Variants in ZMYM4 observed in about 807,000 individuals in gnomAD.
ZMYM4 encodes zinc finger MYM-type containing 4, also known as zinc finger MYM-type protein 4.
ZMYM4 carries 31 observed loss-of-function variants against 183.2 expected under a neutral mutation model. The ratio of observed to expected loss-of-function variants is 0.17; its 90% CI spans 0.13 to 0.23. The LOEUF (loss-of-function observed/expected upper bound fraction) is 0.23. ZMYM4 is among the 10% of genes least tolerant of loss of function. The pLI is 1.00. For missense variants in ZMYM4, 1,273 were observed against 1,840.3 expected, an observed-to-expected ratio of 0.69 and a Z score of 5.64; for synonymous variants, 592 against 631.2, an observed-to-expected ratio of 0.94 and a Z score of 0.93.
In ZMYM4 at chr1:35,370,649, T is replaced by C. The variant is rs138479417; in HGVS notation, c.1181+22T>C. ...CAAAGTATAGCAGAATTCTAAATTA[T>C]CTTTTTTGTTTCTTTCCTTTCTCTT... On this transcript the variant is annotated intron_variant, in intron 7 of 29. Coordinates refer to ENST00000314607, the MANE Select transcript of ZMYM4 (RefSeq NM_005095.3). 3.2e-4 allele frequency: 495 copies of C among 1,560,262 alleles called. 3 individuals carry two copies. The African/African-American group carries it at 5.9e-3, about 19-fold the overall frequency.
At position 35,302,366 on chromosome 1, in the gene ZMYM4, T is replaced by A. The variant is rs1419267056; in HGVS notation, c.40-22994T>A. On this transcript the variant is annotated intron_variant, in intron 1 of 29. Transcript: ENST00000314607. ...GGACTACAGGCCTGTGCCAGCGGAC[T>A]GGCTAATTTGACTTTTTTTTTTTTT... Among the ~76,000 whole-genome samples the A allele has an allele frequency of 2.0e-5, 3 of 148,408 alleles. No homozygotes were observed. The East Asian group carries it at 5.9e-4, about 29-fold the overall frequency.
At chr1:35,340,609 A>G (rs1643165170) in intron 2 of ZMYM4, among the ~76,000 whole-genome samples, 1 of 151,936 alleles carries the variant, frequency 6.6e-6, no homozygotes. Flanking sequence ...CCTCACATGC[A>G]TAGTTCACAA....
chr1:35,332,401 ATG>A (rs935165621), intron 2 of ZMYM4, among the ~76,000 whole-genome samples: 8 of 144,590 alleles, frequency 5.5e-5, no homozygotes, highest in African/African-American at 1.8e-4. Flanking sequence ...TATACTGGGG[ATG>A]TTTTTTTTTT....
At chr1:35,409,565 A>G (rs1300818687) in intron 26 of ZMYM4, among the ~76,000 whole-genome samples, 1 of 151,922 alleles carries the variant, frequency 6.6e-6, no homozygotes, top group African/African-American at 2.4e-5. Flanking sequence ...GACCATGTGT[A>G]TACCTTCTTT....
intron 1 of ZMYM4, among the ~76,000 whole-genome samples, chr1:35,296,161 TC>T (rs1463932066): frequency 6.6e-6 from 1 of 152,174 alleles, no homozygotes; most frequent in African/African-American, 2.4e-5. Flanking sequence ...AGATGAGTGT[TC>T]CCCTTACTAA....
chr1:35,348,262 G>A (rs1197335448), intron 2 of ZMYM4, among the ~76,000 whole-genome samples: 1 of 152,114 alleles, frequency 6.6e-6, no homozygotes, highest in African/African-American at 2.4e-5. Context: ...CTTTTGGTAA[G>A]CTATAAAATC....
chr1:35,361,353 C>T, intron 4 of ZMYM4, 98 bp downstream of exon 4: 1 of 1,217,928 alleles, frequency 8.2e-7, no homozygotes, highest in African/African-American at 1.6e-5. Context: ...TTAGGTAGAG[C>T]ACTGATTTTT....
chr1:35,308,867 CAAAA>C (rs1034692691), intron 1 of ZMYM4: 74 of 648,232 alleles, frequency 1.1e-4, no homozygotes, highest in African/African-American at 6.7e-4. Flanking sequence ...TCTCAGAAAA[CAAAA>C]GAAAGTGGAT....
intron 23 of ZMYM4, among the ~76,000 whole-genome samples, chr1:35,403,038 C>T (rs1032565586): frequency 3.3e-5 from 5 of 152,092 alleles, no homozygotes; most frequent in Non-Finnish European, 7.3e-5. Context: ...GAAGAAGTTC[C>T]CCTTCTCCTT....
intron 5 of ZMYM4, among the ~76,000 whole-genome samples, chr1:35,367,134 C>G (rs191137949): frequency 6.6e-6 from 1 of 151,928 alleles, no homozygotes; most frequent in East Asian, 1.9e-4. Flanking sequence ...CATACACACA[C>G]TTATTACACA....
chr1:35,303,209 A>G (rs1267063017), intron 1 of ZMYM4, among the ~76,000 whole-genome samples: 1 of 151,334 alleles, frequency 6.6e-6, no homozygotes, highest in Admixed American at 6.6e-5. Flanking sequence ...GGATCAGTTG[A>G]ACTTGGGAGG....
intron 5 of ZMYM4, among the ~76,000 whole-genome samples, chr1:35,366,738 G>T (rs1644088755): frequency 6.6e-6 from 1 of 152,200 alleles, no homozygotes; most frequent in Admixed American, 6.5e-5. Flanking sequence ...AAGGCCAGGT[G>T]CGGTGGCTCA....
chr1:35,316,661 T>C (rs1310762034), intron 1 of ZMYM4, among the ~76,000 whole-genome samples: 3 of 152,082 alleles, frequency 2.0e-5, no homozygotes, highest in Admixed American at 6.6e-5. Context: ...TTTATGAAAA[T>C]GGATACTCAA....
Position 35,416,372 on chromosome 1 carries a change from T to A in ZMYM4, c.4309+658T>A, listed in dbSNP as rs368617788. 4.5e-4 allele frequency among the ~76,000 whole-genome samples: 69 copies of A among 152,328 alleles called. 1 individual carries two copies. Among genetic ancestry groups the A allele is most frequent in the African/African-American group, 1.6e-3 (67 of 41,580 alleles). ...ACTTCCCAAAATCAGTTTCTGAGAG[T>A]GAAATACATTTTTTGAATGTGAGAA... On this transcript the variant is annotated intron_variant, in intron 28 of 29. Coordinates refer to ENST00000314607, the MANE Select transcript of ZMYM4 (RefSeq NM_005095.3).
At chr1:35,387,656 A>G (rs373196673) in intron 13 of ZMYM4, 52 bp downstream of exon 13, 2 of 1,545,802 alleles carry the variant, frequency 1.3e-6, no homozygotes, top group Non-Finnish European at 1.7e-6. Flanking sequence ...GTTTTAAAGC[A>G]GTTGATGATG....
intron 1 of ZMYM4, among the ~76,000 whole-genome samples, chr1:35,270,493 T>TCA (rs1305621700): frequency 1.3e-5 from 2 of 152,176 alleles, no homozygotes; most frequent in Non-Finnish European, 2.9e-5. Flanking sequence ...GCACAGCGGC[T>TCA]CACGCCTGTA....
chr1:35,274,236 G>A, intron 1 of ZMYM4, among the ~76,000 whole-genome samples: 1 of 152,144 alleles, frequency 6.6e-6, no homozygotes, highest in East Asian at 1.9e-4. Context: ...ATTTGAAGAG[G>A]CCATTCAAAT....
intron 1 of ZMYM4, among the ~76,000 whole-genome samples, chr1:35,291,947 A>G (rs1640783457): frequency 6.6e-6 from 1 of 151,870 alleles, no homozygotes; most frequent in Admixed American, 6.6e-5. Context: ...GATTGTTACT[A>G]TTTAGCAGGC....
At chr1:35,295,427 A>C (rs1226077656) in intron 1 of ZMYM4, among the ~76,000 whole-genome samples, 2 of 152,238 alleles carry the variant, frequency 1.3e-5, no homozygotes, top group African/African-American at 2.4e-5. Context: ...CAAGGTGGTG[A>C]ATAACAGTAG....
Sources: allele counts gnomAD v4.1 joint callset (sites outside exome capture counted in the v4.1 genomes callset), GRCh38; gene constraint gnomAD v4.1.1; transcripts MANE v1.5; gene names NCBI Gene and HGNC (gene_info 2026-07-23, HGNC 2026-07-21).